Variants in CDKAL1 observed in about 807,000 individuals in gnomAD.
The protein encoded by CDKAL1 is threonylcarbamoyladenosine tRNA methylthiotransferase.
In CDKAL1, 32 loss-of-function variants were observed where a neutral mutation model predicts 68.2. That is an observed-to-expected ratio of 0.47 (90% CI 0.35 to 0.63). The LOEUF (loss-of-function observed/expected upper bound fraction) is 0.63, where lower values mean the gene tolerates loss of function less well. Among genes scored for constraint, CDKAL1 ranks in the 30% least tolerant of loss-of-function variants. The pLI is 0.00. For synonymous variants in CDKAL1, 234 were observed against 244.3 expected (o/e 0.96, Z 0.39); for missense variants, 606 against 696.7 (o/e 0.87, Z 1.47).
At chr6:20,713,411 T>C (rs1483262445) in intron 5 of CDKAL1, among the ~76,000 whole-genome samples, 1 of 152,164 alleles carries the variant, frequency 6.6e-6, no homozygotes, top group Non-Finnish European at 1.5e-5. Flanking sequence ...ATCCTAAGAG[T>C]ACATGATGTA....
At chr6:20,669,406 T>C (rs1769704530) in intron 5 of CDKAL1, among the ~76,000 whole-genome samples, 1 of 152,204 alleles carries the variant, frequency 6.6e-6, no homozygotes. Flanking sequence ...TGGTTCTTTA[T>C]TTTTTGAGAC....
At chr6:20,983,110 A>G (rs1766245156) in intron 10 of CDKAL1, among the ~76,000 whole-genome samples, 2 of 152,278 alleles carry the variant, frequency 1.3e-5, no homozygotes, top group Admixed American at 6.5e-5. Context: ...TGTGAAAACA[A>G]TTTTACCAAG....
intron 5 of CDKAL1, among the ~76,000 whole-genome samples, chr6:20,732,263 CTTTTTTTTT>C (rs56911987): frequency 1.2e-4 from 10 of 83,468 alleles, no homozygotes; most frequent in Non-Finnish European, 1.5e-4. Context: ...TTCTTTCTTT[CTTTTTTTTT>C]TTTTTTTTTT....
At chr6:21,009,917 G>C (rs1350433589) in intron 11 of CDKAL1, among the ~76,000 whole-genome samples, 1 of 152,154 alleles carries the variant, frequency 6.6e-6, no homozygotes, top group East Asian at 1.9e-4. Context: ...ATAAGTTCTA[G>C]TGTTTGGTAG....
intron 5 of CDKAL1, among the ~76,000 whole-genome samples, chr6:20,683,759 A>C (rs775987798): frequency 3.3e-5 from 5 of 152,196 alleles, no homozygotes; most frequent in Non-Finnish European, 5.9e-5. Flanking sequence ...ATTAAAGTTG[A>C]CTTTTGGTAT....
chr6:20,613,667 A>G (rs954629301), intron 4 of CDKAL1, among the ~76,000 whole-genome samples: 3 of 148,850 alleles, frequency 2.0e-5, no homozygotes, highest in Non-Finnish European at 4.5e-5. Context: ...TTATATATTT[A>G]TATATAATAT....
intron 9 of CDKAL1, among the ~76,000 whole-genome samples, chr6:20,923,740 T>C (rs376048125): frequency 1.3e-5 from 2 of 152,172 alleles, no homozygotes; most frequent in South Asian, 4.1e-4. Flanking sequence ...TGGGCAGGCA[T>C]GGCGGCACAC....
chr6:21,089,789 G>T (rs1426672427), intron 12 of CDKAL1, among the ~76,000 whole-genome samples: 2 of 152,210 alleles, frequency 1.3e-5, no homozygotes, highest in African/African-American at 2.4e-5. Context: ...TCAGATCATG[G>T]CAAGCTTTAT....
At chr6:21,058,129 A>G (rs1003002104) in intron 11 of CDKAL1, among the ~76,000 whole-genome samples, 1 of 152,176 alleles carries the variant, frequency 6.6e-6, no homozygotes, top group South Asian at 2.1e-4. Flanking sequence ...GTGTCCCGCT[A>G]TTATTGGGTG....
At chr6:21,104,763 T>C (rs567353571) in intron 12 of CDKAL1, among the ~76,000 whole-genome samples, 38 of 152,234 alleles carry the variant, frequency 2.5e-4, no homozygotes, top group Non-Finnish European at 2.4e-4. Context: ...TCTTTGGGGC[T>C]AATATGAATA....
At chr6:21,188,695 G>A (rs1015975638) in intron 13 of CDKAL1, among the ~76,000 whole-genome samples, 1 of 152,156 alleles carries the variant, frequency 6.6e-6, no homozygotes, top group African/African-American at 2.4e-5. Context: ...GCATGACAGA[G>A]CTTGCCCAGT....
chr6:20,761,043 C>G (rs989866637), intron 7 of CDKAL1, among the ~76,000 whole-genome samples: 3 of 152,032 alleles, frequency 2.0e-5, no homozygotes, highest in African/African-American at 7.2e-5. Flanking sequence ...TATATGAAGA[C>G]CTCTTAAAAC....
chr6:20,979,381 C>T (rs1463236176), intron 10 of CDKAL1, among the ~76,000 whole-genome samples: 2 of 152,078 alleles, frequency 1.3e-5, no homozygotes, highest in Non-Finnish European at 2.9e-5. Flanking sequence ...ATAATTAATA[C>T]TTTGGGTACA....
intron 9 of CDKAL1, among the ~76,000 whole-genome samples, chr6:20,866,835 G>C (rs142510455): frequency 2.6e-5 from 4 of 152,178 alleles, no homozygotes. Context: ...AGCAGCGAGG[G>C]ATTGGTTCCC....
intron 8 of CDKAL1, among the ~76,000 whole-genome samples, chr6:20,817,027 T>C (rs1777075581): frequency 6.6e-6 from 1 of 152,196 alleles, no homozygotes; most frequent in South Asian, 2.1e-4. Context: ...TGTTATGCAC[T>C]GCGCTATGTT....
chr6:21,098,840 G>A (rs772329776), intron 12 of CDKAL1, among the ~76,000 whole-genome samples: 1 of 152,080 alleles, frequency 6.6e-6, no homozygotes, highest in Non-Finnish European at 1.5e-5. Context: ...AAGATGTAGA[G>A]TCAGAAAAAT....
intron 9 of CDKAL1, among the ~76,000 whole-genome samples, chr6:20,911,868 G>A (rs924115978): frequency 1.3e-5 from 2 of 152,220 alleles, no homozygotes; most frequent in Non-Finnish European, 2.9e-5. Context: ...GCGCTGGAAA[G>A]GAAGGTTTCT....
chr6:20,801,619 T>TGG (rs1417169389), intron 8 of CDKAL1, among the ~76,000 whole-genome samples: 2 of 152,222 alleles, frequency 1.3e-5, no homozygotes, highest in South Asian at 2.1e-4. Flanking sequence ...TTTGAAACCA[T>TGG]GGAATATATA....
At chr6:21,166,077 C>T (rs1291176828) in intron 13 of CDKAL1, among the ~76,000 whole-genome samples, 1 of 152,150 alleles carries the variant, frequency 6.6e-6, no homozygotes, top group Non-Finnish European at 1.5e-5. Flanking sequence ...GTGAGCATTA[C>T]ACATGTTACA....
Sources: allele counts gnomAD v4.1 joint callset (sites outside exome capture counted in the v4.1 genomes callset), GRCh38; gene constraint gnomAD v4.1.1; transcripts MANE v1.5; gene names NCBI Gene and HGNC (gene_info 2026-07-23, HGNC 2026-07-21).